Variants in BABAM2 observed in about 807,000 individuals in gnomAD.
BABAM2 encodes the protein BRISC and BRCA1 A complex member 2, also known as BRISC and BRCA1-A complex member 2.
In BABAM2, 31 loss-of-function variants were observed where a neutral mutation model predicts 54.7. That is an observed-to-expected ratio of 0.57 (90% confidence interval 0.43 to 0.77). The LOEUF (loss-of-function observed/expected upper bound fraction) is 0.77, where lower values mean the gene tolerates loss of function less well. Ranked by LOEUF, BABAM2 falls within the 30% of genes least tolerant of loss-of-function variation. BABAM2 has a pLI of 0.00. For missense variants in BABAM2, 364 were observed against 455.8 expected (o/e 0.80, Z 1.83); for synonymous variants, 167 against 162.9 (o/e 1.03, Z -0.19).
intron 4 of BABAM2, among the ~76,000 whole-genome samples, chr2:28,009,925 C>T (rs1417632479): frequency 1.3e-5 from 2 of 152,108 alleles, no homozygotes; most frequent in African/African-American, 4.8e-5. Context: ...ACAGCTTGTA[C>T]ATACTGAATA....
intron 8 of BABAM2, 33 bp downstream of exon 8, chr2:28,237,334 G>A: frequency 2.5e-6 from 4 of 1,574,088 alleles, no homozygotes; most frequent in Non-Finnish European, 3.5e-6. Context: ...TCCCTCTTAT[G>A]AGATTTCTTC....
intron 5 of BABAM2, among the ~76,000 whole-genome samples, chr2:28,037,276 C>G (rs913291260): frequency 2.6e-5 from 4 of 152,084 alleles, no homozygotes; most frequent in Admixed American, 2.0e-4. Context: ...TAAGCAAATA[C>G]TAATATATAT....
chr2:28,169,731 G>T (rs1674109301), intron 7 of BABAM2, among the ~76,000 whole-genome samples: 1 of 148,892 alleles, frequency 6.7e-6, no homozygotes, highest in Non-Finnish European at 1.5e-5. Context: ...AGCTGTGATT[G>T]TACCAATGTA....
chr2:28,089,504 G>A (rs913275045), intron 6 of BABAM2, among the ~76,000 whole-genome samples: 1 of 152,134 alleles, frequency 6.6e-6, no homozygotes, highest in Admixed American at 6.5e-5. Context: ...CAGAACCTAA[G>A]TGATAGATTT....
chr2:28,187,641 CTCCTAA>C (rs1676454220), intron 7 of BABAM2, among the ~76,000 whole-genome samples: 1 of 150,310 alleles, frequency 6.7e-6, no homozygotes, highest in Admixed American at 6.7e-5. Flanking sequence ...CATTACCATT[CTCCTAA>C]AACAGAACTT....
intron 7 of BABAM2, among the ~76,000 whole-genome samples, chr2:28,231,219 T>G (rs970320490): frequency 6.6e-6 from 1 of 152,072 alleles, no homozygotes; most frequent in Non-Finnish European, 1.5e-5. Flanking sequence ...CTGGCAAAAG[T>G]GGGAGCTCAA....
At chr2:28,282,782 G>A (rs925745445) in intron 10 of BABAM2, among the ~76,000 whole-genome samples, 6 of 151,912 alleles carry the variant, frequency 3.9e-5, no homozygotes, top group African/African-American at 4.8e-5. Flanking sequence ...GGCGAATCAC[G>A]AGGTCAGGAG....
intron 6 of BABAM2, 53 bp downstream of exon 6, chr2:28,045,852 T>G: frequency 7.4e-7 from 1 of 1,353,684 alleles, no homozygotes; most frequent in Non-Finnish European, 1.0e-6. Context: ...TTTAAGTAAT[T>G]ATTTAACTCA....
intron 3 of BABAM2, among the ~76,000 whole-genome samples, chr2:27,946,931 A>T (rs1669341440): frequency 6.6e-6 from 1 of 151,868 alleles, no homozygotes; most frequent in Non-Finnish European, 1.5e-5. Context: ...TGTGACCTGT[A>T]CTCATTTCCC....
chr2:28,013,730 C>CACACAT (rs1553411799), intron 4 of BABAM2, among the ~76,000 whole-genome samples: 1 of 136,894 alleles, frequency 7.3e-6, no homozygotes, highest in Non-Finnish European at 1.5e-5. Context: ...CACACACACA[C>CACACAT]GTGTGTGTGT....
chr2:28,104,701 A>G (rs906003897), intron 6 of BABAM2, among the ~76,000 whole-genome samples: 3 of 152,188 alleles, frequency 2.0e-5, no homozygotes, highest in Admixed American at 2.0e-4. Flanking sequence ...ATATACCCAA[A>G]GGATTATAAA....
intron 8 of BABAM2, among the ~76,000 whole-genome samples, chr2:28,241,070 A>G (rs1486667380): frequency 6.6e-6 from 1 of 152,136 alleles, no homozygotes; most frequent in Non-Finnish European, 1.5e-5. Flanking sequence ...TTAGAGATGC[A>G]TACTGAAATA....
intron 3 of BABAM2, among the ~76,000 whole-genome samples, chr2:27,979,097 G>T (rs191808044): frequency 6.8e-6 from 1 of 148,048 alleles, no homozygotes; most frequent in Non-Finnish European, 1.5e-5. Context: ...GCACAATCTC[G>T]GCTCACTGCA....
intron 7 of BABAM2, among the ~76,000 whole-genome samples, chr2:28,197,021 A>T (rs894074206): frequency 1.3e-5 from 2 of 150,914 alleles, no homozygotes; most frequent in Non-Finnish European, 1.5e-5. Flanking sequence ...TTTTTTTGGT[A>T]TTTTTTATAG....
chr2:28,070,115 C>T (rs1279911334), intron 6 of BABAM2, among the ~76,000 whole-genome samples: 1 of 152,188 alleles, frequency 6.6e-6, no homozygotes, highest in Non-Finnish European at 1.5e-5. Flanking sequence ...TGAGATATTA[C>T]GTGGAATCAA....
chr2:28,008,012 C>A (rs1674096952), intron 4 of BABAM2, among the ~76,000 whole-genome samples: 1 of 152,060 alleles, frequency 6.6e-6, no homozygotes, highest in Non-Finnish European at 1.5e-5. Flanking sequence ...TGATCATTCA[C>A]TTGAAAAATA....
intron 6 of BABAM2, among the ~76,000 whole-genome samples, chr2:28,064,916 A>G (rs976677918): frequency 2.6e-5 from 4 of 151,756 alleles, no homozygotes; most frequent in Middle Eastern, 6.8e-3. Flanking sequence ...GGCAGGAGAA[A>G]TGCTTGAACC....
chr2:28,036,884 C>A (rs959841010), intron 5 of BABAM2, among the ~76,000 whole-genome samples: 1 of 152,100 alleles, frequency 6.6e-6, no homozygotes, highest in Non-Finnish European at 1.5e-5. Flanking sequence ...TGTTTAATTG[C>A]CAGTCTAGTC....
At chr2:28,185,510 A>G (rs1676182227) in intron 7 of BABAM2, among the ~76,000 whole-genome samples, 1 of 152,026 alleles carries the variant, frequency 6.6e-6, no homozygotes, top group Non-Finnish European at 1.5e-5. Flanking sequence ...GCAATACTAA[A>G]CTCGAGTCAT....
Sources: gnomAD v4.1 joint callset for allele counts (sites outside exome capture counted in the v4.1 genomes callset) on GRCh38, gnomAD v4.1.1 for gene constraint, MANE v1.5 for transcripts, NCBI Gene and HGNC (gene_info 2026-07-23, HGNC 2026-07-21) for gene names.